The following HTRA2 variants were observed in gnomAD, a reference collection of about 807,000 sequenced individuals.
HTRA2 encodes serine protease HTRA2, mitochondrial.
In HTRA2, 24 loss-of-function variants were observed where a neutral mutation model predicts 42.2. The observed-to-expected ratio is 0.57, with a 90% CI of 0.41 to 0.80. The LOEUF is 0.80. Among genes scored for constraint, HTRA2 ranks in the 30% least tolerant of loss-of-function variants. The pLI, the probability that HTRA2 is intolerant of heterozygous loss-of-function variation, is 0.00. For synonymous variants in HTRA2, 245 were observed against 255.8 expected, an observed-to-expected ratio of 0.96 and a Z score of 0.40; for missense variants, 466 against 613.5, an observed-to-expected ratio of 0.76 and a Z score of 2.54.
rs778160077 is a variant in HTRA2 at position 74,531,708 on chromosome 2, C to G, written c.1045+6C>G. 5 of 1,613,814 alleles carry G rather than the reference C, an allele frequency of 3.1e-6. No homozygotes were observed. The highest frequency in any genetic ancestry group is 4.2e-6 in the Non-Finnish European group (5 of 1,180,016). ...GCATCGTGGGGAAAAGAAGAGTGAG[C>G]CTGCCTTATGGGGAAACGGGTTCCT... On this transcript the variant is annotated splice_donor_region_variant and intron_variant, in intron 5 of 7. Coordinates refer to ENST00000258080, the MANE Select transcript of HTRA2 (RefSeq NM_013247.5).
chr2:74,531,775 C>T lies in HTRA2; in HGVS notation c.1045+73C>T. ...AGGGGAAGGGCATTCAGTGGGACTT[C>T]CTGGAGGGTGGTCTACTGGGAGAAG... On this transcript the variant is annotated intron_variant, in intron 5 of 7. Coordinates refer to ENST00000258080, the MANE Select transcript of HTRA2 (RefSeq NM_013247.5). 5 of 1,611,718 alleles carry T rather than the reference C, an allele frequency of 3.1e-6. 1 individual carries two copies. Among genetic ancestry groups the T allele is most frequent in the Non-Finnish European group, 3.4e-6 (4 of 1,179,032 alleles).
chr2:74,532,372 T>G (rs1227422984), intron 6 of HTRA2: 3 of 531,122 alleles, frequency 5.6e-6, no homozygotes, highest in Non-Finnish European at 1.0e-5. Context: ...CTTAGTATTC[T>G]AGAATGACAT....
At position 74,530,397 on chromosome 2, in the gene HTRA2, G is replaced by A; in HGVS notation, c.391G>A (p.Val131Ile). ...LWGGGRGPPAVLAAVPSPPPA... is the reference protein window; with the variant it reads ...LWGGGRGPPAILAAVPSPPPA... ...GGGCGGGGGTCGGGGTCCTCCGGCC[G>A]TCCTCGCCGCCGTCCCTAGCCCGCC... Residue 131 changes from valine to isoleucine, a missense_variant, in exon 1 of 8, where the codon GTC (valine) becomes ATC (isoleucine). By Grantham distance (29) the Val-to-Ile change is conservative (BLOSUM62 3). This residue lies in a region of HTRA2 where 222 missense variants were observed against 205.1 expected (regional missense o/e 1.08). Transcript: ENST00000258080. This position sits in a 1 kb window ranked among gnomAD's most constrained non-coding sequence, Gnocchi z 7.4. The A allele has an allele frequency of 6.3e-7, 1 of 1,594,578 alleles. No homozygotes were observed.
rs1283844645 is a variant in HTRA2, at chr2:74,532,806, AT to A, written c.1212-9del. On this transcript the variant is annotated splice_polypyrimidine_tract_variant and intron_variant, in intron 7 of 7. Coordinates refer to ENST00000258080, the MANE Select transcript of HTRA2 (RefSeq NM_013247.5). ...TGTACTCCTTCCTTTCTCTCTGTCC[AT>A]TTTTCTCTATAGGGCTGGTCTGCGG... 1.2e-6 allele frequency: 2 copies of A among 1,613,758 alleles called. No individual in the cohort carries two copies. Among genetic ancestry groups the A allele is most frequent in the East Asian group, 4.5e-5 (2 of 44,878 alleles).
rs1390417558 is a variant in HTRA2, at chr2:74,530,406, G to A, written c.400G>A (p.Ala134Thr). 3.1e-6 allele frequency: 5 copies of A among 1,596,744 alleles called. No homozygotes were observed. Among genetic ancestry groups the A allele is most frequent in the Non-Finnish European group, 8.5e-7 (1 of 1,175,078 alleles). Residue 134 changes from alanine to threonine, a missense_variant, in exon 1 of 8, where the codon GCC becomes ACC. Ala to Thr is a moderately conservative substitution (Grantham distance 58). Around this residue, in one of 3 missense-constraint regions of HTRA2, gnomAD observed 222 missense variants for 205.1 expected, o/e 1.08. Coordinates refer to ENST00000258080, the MANE Select transcript of HTRA2 (RefSeq NM_013247.5). The surrounding 1 kb of genome is among the most constrained non-coding windows in gnomAD (Gnocchi z 7.4). ...TCGGGGTCCTCCGGCCGTCCTCGCC[G>A]CCGTCCCTAGCCCGCCGCCCGCTTC... Reference protein sequence around the residue: ...GGRGPPAVLAAVPSPPPASPR... With the variant: ...GGRGPPAVLATVPSPPPASPR...
chr2:74,530,486 C>G lies in HTRA2; in HGVS notation c.480C>G (p.Ala160=), dbSNP rs2231248. Residue 160 remains alanine (A), a synonymous_variant, in exon 1 of 8, where the codon GCC becomes GCG. Coordinates refer to ENST00000258080, the MANE Select transcript of HTRA2 (RefSeq NM_013247.5). The surrounding 1 kb of genome is among the most constrained non-coding windows in gnomAD (Gnocchi z 7.4). ...IADVVEKTAP[A]VVYIEILDRH... ...ATGTGGTGGAGAAGACAGCACCTGC[C>G]GTGGTCTATATCGAGATCCTGGACC... 4,859 of 1,609,758 alleles carry G rather than the reference C, an allele frequency of 3.0e-3. 110 individuals carry two copies. The African/African-American group carries it at 0.056, about 18-fold the overall frequency.
rs1016550488 is a variant in HTRA2, at chr2:74,533,250, C to T, written c.*265C>T. 1.3e-5 allele frequency: 7 copies of T among 554,216 alleles called. No individual in the cohort carries two copies. The highest frequency in any genetic ancestry group is 2.2e-5 in the Non-Finnish European group (7 of 311,672). 34.3% of individuals were successfully genotyped at this position (554,216 alleles called of 1,614,324 possible). ...AAAAGGCTAGAGGTAAAGCTGTATC[C>T]CCCTAAACTTAGGGGAGATACTGGA... On this transcript the variant is annotated 3_prime_UTR_variant, in exon 8 of 8. Coordinates refer to ENST00000258080, the MANE Select transcript of HTRA2 (RefSeq NM_013247.5).
chr2:74,531,754 G>C (rs1177797602), intron 5 of HTRA2, 52 bp downstream of exon 5: 1 of 1,612,436 alleles, frequency 6.2e-7, no homozygotes, highest in Non-Finnish European at 8.5e-7. Context: ...GGAAATAGGG[G>C]AAGGGCATTC....
chr2:74,529,507 C>A, upstream of HTRA2: 1 of 1,549,310 alleles, frequency 6.5e-7, no homozygotes, highest in Non-Finnish European at 8.7e-7. Context: ...AGCCTGGGGG[C>A]GAGAGGCGAA....
intron 4 of HTRA2, 101 bp downstream of exon 4, chr2:74,531,472 GTTCT>G: frequency 6.2e-7 from 1 of 1,607,534 alleles, no homozygotes. Context: ...TTTCTGAGCA[GTTCT>G]TTGTTGGCTA....
chr2:74,530,137 C>T lies in HTRA2; in HGVS notation c.131C>T (p.Ser44Phe), dbSNP rs1175663219. 6.8e-6 allele frequency: 11 copies of T among 1,612,140 alleles called. No homozygotes were observed. The highest frequency in any genetic ancestry group is 9.3e-6 in the Non-Finnish European group (11 of 1,179,334). Reference sequence around the variant, plus strand: ...CGGGCCCTGCTGACGTCAGGAACTTCTGACCCCCGGGCCCGAGTGACTTAT... The same window carrying T: ...CGGGCCCTGCTGACGTCAGGAACTTTTGACCCCCGGGCCCGAGTGACTTAT... The part of the protein sequence containing the change: ...DLRALLTSGT[S>F]DPRARVTYGT... The change falls in exon 1 of 8, where the codon TCT becomes TTT. Residue 44 changes from serine (S) to phenylalanine (F), a missense_variant. Ser to Phe is a radical substitution (Grantham distance 155, BLOSUM62 -2). This residue lies in a region of HTRA2 where 222 missense variants were observed against 205.1 expected (regional missense o/e 1.08). Transcript: ENST00000258080. The surrounding 1 kb of genome is among the most constrained non-coding windows in gnomAD (Gnocchi z 7.4).
intron 6 of HTRA2, 61 bp from the exon 7 acceptor site, chr2:74,532,558 T>G (rs1675688253): frequency 7.7e-7 from 1 of 1,305,708 alleles, no homozygotes; most frequent in Non-Finnish European, 1.1e-6. Context: ...AGACTTGAGG[T>G]GGAACTCAGG....
At position 74,533,091 on chromosome 2, in the gene HTRA2, G is replaced by A; in HGVS notation, c.*106G>A. 9.4e-7 allele frequency: 1 copy of A among 1,059,096 alleles called. No homozygotes were observed. Among genetic ancestry groups the A allele is most frequent in the South Asian group, 1.3e-5 (1 of 77,920 alleles). 65.6% of individuals were successfully genotyped at this position (1,059,096 alleles called of 1,614,324 possible). On this transcript the variant is annotated 3_prime_UTR_variant, in exon 8 of 8. Transcript: ENST00000258080. ...AGGGTTAAATGAACCAGTGGGGGCA[G>A]GTCCCTCCAACCACCAGCACTGACT...
intron 6 of HTRA2, 190 bp from the exon 7 acceptor site, chr2:74,532,429 G>T (rs1675677987): frequency 1.6e-6 from 1 of 642,962 alleles, no homozygotes; most frequent in Non-Finnish European, 2.9e-6. Flanking sequence ...CCCTCATGTG[G>T]TGTACATCTT....
chr2:74,532,974 G>A lies in HTRA2; in HGVS notation c.1366G>A (p.Val456Ile), dbSNP rs1448729436. ...ACTGACCTTATATGTGACCCCTGAG[G>A]TCACAGAATGAATAGATCACCAAGA... Reference protein sequence around the residue: ...ETLTLYVTPEVTE With the variant: ...ETLTLYVTPEITE Residue 456 changes from valine to isoleucine, a missense_variant, in exon 8 of 8, where the codon GTC becomes ATC. Physicochemically the swap from Val to Ile is conservative, Grantham distance 29. Around this residue, in one of 3 missense-constraint regions of HTRA2, gnomAD observed 129 missense variants for 163.1 expected, o/e 0.79. Coordinates refer to ENST00000258080, the MANE Select transcript of HTRA2 (RefSeq NM_013247.5). 1.2e-6 allele frequency: 2 copies of A among 1,613,850 alleles called. No individual in the cohort carries two copies. The highest frequency in any genetic ancestry group is 1.7e-6 in the Non-Finnish European group (2 of 1,179,926).
Position 74,533,081 on chromosome 2 carries a change from A to C in HTRA2, c.*96A>C. On this transcript the variant is annotated 3_prime_UTR_variant, in exon 8 of 8. Coordinates refer to ENST00000258080, the MANE Select transcript of HTRA2 (RefSeq NM_013247.5). ...ACCGAGACAGAGGGTTAAATGAACCAGTGGGGGCAGGTCCCTCCAACCACC... is the reference window on the plus strand; with the variant it reads ...ACCGAGACAGAGGGTTAAATGAACCCGTGGGGGCAGGTCCCTCCAACCACC... 1 of 1,204,714 alleles carries C rather than the reference A, an allele frequency of 8.3e-7. No homozygotes were observed. The highest frequency in any genetic ancestry group is 1.2e-6 in the Non-Finnish European group (1 of 824,100). 74.6% of individuals were successfully genotyped at this position (1,204,714 alleles called of 1,614,324 possible).
rs534147369 is a variant in HTRA2, at chr2:74,531,515, A to G, written c.940-82A>G. The G allele has an allele frequency of 3.1e-5, 50 of 1,612,120 alleles. No individual in the cohort carries two copies. In the African/African-American group the frequency reaches 5.9e-4, roughly 19 times the overall value. On this transcript the variant is annotated intron_variant, in intron 4 of 7. Transcript: ENST00000258080. The stretch of plus-strand genomic sequence containing the variant: ...CTCAATATCCAACCAGATCTCCCCA[A>G]CACTTGCTGGTACTTTTGTTCGGGT...
At position 74,530,112 on chromosome 2, in the gene HTRA2, C is replaced by T. The variant is rs765943892; in HGVS notation, c.106C>T (p.Arg36Trp). 44 of 1,609,386 alleles carry T rather than the reference C, an allele frequency of 2.7e-5. No individual in the cohort carries two copies. The Admixed American group carries it at 6.3e-4, about 23-fold the overall frequency. Reference protein sequence around the residue: ...GRRPRLTPDLRALLTSGTSDP... With the variant: ...GRRPRLTPDLWALLTSGTSDP... ...GAGACCCCGTTTGACCCCTGACCTCCGGGCCCTGCTGACGTCAGGAACTTC... is the reference window on the plus strand; with the variant it reads ...GAGACCCCGTTTGACCCCTGACCTCTGGGCCCTGCTGACGTCAGGAACTTC... Residue 36 changes from arginine (R) to tryptophan (W), a missense_variant, in exon 1 of 8, where the codon CGG becomes TGG. Arg to Trp is a moderately radical substitution (Grantham distance 101). Coordinates refer to ENST00000258080, the MANE Select transcript of HTRA2 (RefSeq NM_013247.5). The surrounding 1 kb of genome is among the most constrained non-coding windows in gnomAD (Gnocchi z 7.4).
Position 74,532,933 on chromosome 2 carries a change from G to A in HTRA2, c.1325G>A (p.Arg442Gln), listed in dbSNP as rs552356425. 1.9e-6 allele frequency: 3 copies of A among 1,613,846 alleles called. No individual in the cohort carries two copies. The highest frequency in any genetic ancestry group is 2.5e-6 in the Non-Finnish European group (3 of 1,179,966). ...CAATCCCAGTTGGCAGTGCAGATCC[G>A]GCGGGGACGAGAAACACTGACCTTA... ...RTQSQLAVQI[R>Q]RGRETLTLYV... Residue 442 changes from arginine (R) to glutamine (Q), a missense_variant, in exon 8 of 8, where the codon CGG (arginine) becomes CAG (glutamine). This residue lies in a region of HTRA2 where 129 missense variants were observed against 163.1 expected (regional missense o/e 0.79). Coordinates refer to ENST00000258080, the MANE Select transcript of HTRA2 (RefSeq NM_013247.5).
Sources: gnomAD v4.1 joint callset for allele counts on GRCh38, gnomAD v4.1.1 for gene constraint, gnomAD v4.1.1 regional missense constraint, Gnocchi (gnomAD v3.1) non-coding constraint, MANE v1.5 for transcripts, NCBI Gene and HGNC (gene_info 2026-07-23, HGNC 2026-07-21) for gene names.